The following PLCB1 variants were observed in gnomAD, a reference collection of about 807,000 sequenced individuals.
PLCB1 encodes phospholipase C beta 1, also known as 1-phosphatidylinositol 4,5-bisphosphate phosphodiesterase beta-1.
PLCB1 carries 46 observed loss-of-function variants against 161.8 expected under a neutral mutation model. The ratio of observed to expected loss-of-function variants is 0.28; its 90% CI spans 0.22 to 0.36. The LOEUF (loss-of-function observed/expected upper bound fraction) is 0.36, where lower values mean the gene tolerates loss of function less well. Among genes scored for constraint, PLCB1 ranks in the 10% least tolerant of loss-of-function variants. The probability of loss-of-function intolerance (pLI) is 1.00; values close to 1 mark genes in which losing one functional copy is unlikely to be tolerated. For missense variants in PLCB1, 1,016 were observed against 1,472.5 expected (o/e 0.69, Z 5.07); for synonymous variants, 517 against 503.7 (o/e 1.03, Z -0.35).
intron 3 of PLCB1, among the ~76,000 whole-genome samples, chr20:8,412,435 ACAT>A (rs1171433791): frequency 6.6e-6 from 1 of 152,158 alleles, no homozygotes. Context: ...ACACAAGAAA[ACAT>A]CATTTTCCTC....
chr20:8,502,875 C>A (rs1219596604), intron 3 of PLCB1, among the ~76,000 whole-genome samples: 1 of 152,164 alleles, frequency 6.6e-6, no homozygotes, highest in Non-Finnish European at 1.5e-5. Context: ...CTTGTGCTTT[C>A]TCATTTCCTT....
intron 9 of PLCB1, among the ~76,000 whole-genome samples, chr20:8,679,904 G>A (rs1402464560): frequency 1.3e-5 from 2 of 152,082 alleles, no homozygotes; most frequent in Admixed American, 1.3e-4. Flanking sequence ...ACTCAAATGT[G>A]GGACATTTTG....
At chr20:8,251,392 C>A (rs1184782177) in intron 2 of PLCB1, among the ~76,000 whole-genome samples, 2 of 151,828 alleles carry the variant, frequency 1.3e-5, no homozygotes, top group Non-Finnish European at 2.9e-5. Flanking sequence ...GGAAAGTAGC[C>A]TTGGAGCTGA....
At chr20:8,291,696 A>G (rs946767905) in intron 2 of PLCB1, among the ~76,000 whole-genome samples, 1 of 152,218 alleles carries the variant, frequency 6.6e-6, no homozygotes, top group East Asian at 1.9e-4. Context: ...CGTGTGCCAG[A>G]CCATACCAGC....
chr20:8,880,811 C>A (rs1568635217), intron 31 of PLCB1: 1 of 148,576 alleles, frequency 6.7e-6, no homozygotes, highest in Admixed American at 6.7e-5. Context: ...ATTTCTGACA[C>A]ATTTTTCTAT....
At chr20:8,180,105 G>A (rs145517794) in intron 2 of PLCB1, among the ~76,000 whole-genome samples, 3,718 of 151,820 alleles carry the variant, frequency 0.024, 149 homozygotes, top group African/African-American at 0.083. Flanking sequence ...TGATCCGCCC[G>A]CCTCGGCCTC....
At chr20:8,816,370 T>G (rs1329779033) in intron 31 of PLCB1, among the ~76,000 whole-genome samples, 1 of 152,140 alleles carries the variant, frequency 6.6e-6, no homozygotes, top group African/African-American at 2.4e-5. Context: ...CAAAAAGAAT[T>G]TTTTTCAACA....
intron 3 of PLCB1, among the ~76,000 whole-genome samples, chr20:8,377,268 G>C (rs1903069440): frequency 6.6e-6 from 1 of 152,150 alleles, no homozygotes; most frequent in Non-Finnish European, 1.5e-5. Context: ...GTAGAGACAT[G>C]AACTTAGTGA....
chr20:8,359,669 T>C (rs1446602365), intron 2 of PLCB1, among the ~76,000 whole-genome samples: 1 of 152,206 alleles, frequency 6.6e-6, no homozygotes, highest in Non-Finnish European at 1.5e-5. Flanking sequence ...CCAGTAGTAC[T>C]CACTATATTT....
At chr20:8,289,403 G>T (rs1983279858) in intron 2 of PLCB1, among the ~76,000 whole-genome samples, 1 of 152,130 alleles carries the variant, frequency 6.6e-6, no homozygotes, top group Non-Finnish European at 1.5e-5. Context: ...CGGGAAAGCT[G>T]ATGCTGCTGG....
At chr20:8,448,652 T>C (rs1316390185) in intron 3 of PLCB1, among the ~76,000 whole-genome samples, 2 of 152,224 alleles carry the variant, frequency 1.3e-5, no homozygotes, top group African/African-American at 4.8e-5. Context: ...AGAATGTCAA[T>C]GTGATATCTC....
intron 16 of PLCB1, among the ~76,000 whole-genome samples, chr20:8,724,969 G>T (rs1979855256): frequency 6.6e-6 from 1 of 152,018 alleles, no homozygotes; most frequent in Middle Eastern, 3.2e-3. Flanking sequence ...AGTATTCTAT[G>T]GTGTTCTCCA....
intron 4 of PLCB1, among the ~76,000 whole-genome samples, chr20:8,642,022 T>G (rs1388348653): frequency 1.3e-5 from 2 of 152,200 alleles, no homozygotes. Flanking sequence ...TTAAAGACAT[T>G]TGAATAACAT....
At chr20:8,140,320 A>T (rs1276008266) in intron 1 of PLCB1, among the ~76,000 whole-genome samples, 1 of 152,220 alleles carries the variant, frequency 6.6e-6, no homozygotes, top group Admixed American at 6.5e-5. Flanking sequence ...TCAAAATTCA[A>T]GAGAAATTTC....
chr20:8,795,890 A>AGAAAAG (rs558049898), intron 31 of PLCB1, among the ~76,000 whole-genome samples: 1,498 of 139,786 alleles, frequency 0.011, 26 homozygotes, highest in African/African-American at 0.032. Context: ...AAAAAAAAAA[A>AGAAAAG]AAAAGAAAAG....
At chr20:8,235,068 A>G (rs553778189) in intron 2 of PLCB1, among the ~76,000 whole-genome samples, 243 of 152,246 alleles carry the variant, frequency 1.6e-3, no homozygotes, top group African/African-American at 5.7e-3. Flanking sequence ...GCCTAAATTC[A>G]TGTAACTTCC....
chr20:8,162,347 T>A (rs1464510704), intron 2 of PLCB1, among the ~76,000 whole-genome samples: 2 of 152,166 alleles, frequency 1.3e-5, no homozygotes, highest in Non-Finnish European at 2.9e-5. Context: ...ATATAACTAT[T>A]TTATTTTATA....
chr20:8,187,758 A>G (rs762028934), intron 2 of PLCB1, among the ~76,000 whole-genome samples: 1 of 152,184 alleles, frequency 6.6e-6, no homozygotes, highest in Non-Finnish European at 1.5e-5. Flanking sequence ...CACCAGAGCC[A>G]GCAATTCCTA....
chr20:8,815,040 C>T (rs1031151659), intron 31 of PLCB1, among the ~76,000 whole-genome samples: 1 of 152,204 alleles, frequency 6.6e-6, no homozygotes, highest in Non-Finnish European at 1.5e-5. Flanking sequence ...TCTAAAAACC[C>T]CAGTCCGCTT....
Sources: gnomAD v4.1 joint callset for allele counts (sites outside exome capture counted in the v4.1 genomes callset) on GRCh38, gnomAD v4.1.1 for gene constraint, MANE v1.5 for transcripts, NCBI Gene and HGNC (gene_info 2026-07-23, HGNC 2026-07-21) for gene names.